The following SEC63 variants were observed in gnomAD, a reference collection of about 807,000 sequenced individuals.
SEC63 encodes the protein translocation protein SEC63 homolog.
SEC63 carries 56 observed loss-of-function variants against 116.2 expected under a neutral mutation model. That is an observed-to-expected ratio of 0.48 (90% CI 0.39 to 0.60). The LOEUF (loss-of-function observed/expected upper bound fraction) is 0.60. Among genes scored for constraint, SEC63 ranks in the 20% least tolerant of loss-of-function variants. The pLI is 0.00. For missense variants in SEC63, 668 were observed against 900.0 expected, an observed-to-expected ratio of 0.74 and a Z score of 3.30; for synonymous variants, 273 against 294.6, an observed-to-expected ratio of 0.93 and a Z score of 0.75.
At chr6:107,880,928 C>A in intron 18 of SEC63, 2 of 477,618 alleles carry the variant, frequency 4.2e-6, no homozygotes, top group South Asian at 2.4e-5. Flanking sequence ...CAAAGAAAAC[C>A]ACAGAAATAC....
chr6:107,916,436 T>C (rs1787400847), intron 4 of SEC63, among the ~76,000 whole-genome samples: 1 of 152,244 alleles, frequency 6.6e-6, no homozygotes, highest in Admixed American at 6.5e-5. Context: ...ACATAGTCAA[T>C]ATCCTCTACT....
chr6:107,934,638 G>A (rs1010539500), intron 1 of SEC63, among the ~76,000 whole-genome samples: 9 of 137,990 alleles, frequency 6.5e-5, no homozygotes, highest in South Asian at 2.5e-4. Flanking sequence ...TCAGCCCCCC[G>A]CCAGGCCAGC....
intron 13 of SEC63, among the ~76,000 whole-genome samples, chr6:107,901,085 A>G (rs1020738934): frequency 6.6e-6 from 1 of 152,212 alleles, no homozygotes; most frequent in Non-Finnish European, 1.5e-5. Flanking sequence ...AGTCTTCATC[A>G]TTCTTTGGAA....
At chr6:107,897,850 A>G in intron 13 of SEC63, 119 bp from the exon 14 acceptor site, 1 of 725,520 alleles carries the variant, frequency 1.4e-6, no homozygotes, top group Non-Finnish European at 2.5e-6. Context: ...AGCATATTAT[A>G]TTTTAAATTT....
chr6:107,887,433 T>C (rs537924250), intron 16 of SEC63, among the ~76,000 whole-genome samples: 9 of 146,118 alleles, frequency 6.2e-5, no homozygotes, highest in Middle Eastern at 3.4e-3. Context: ...AAATGATGAG[T>C]TCATGTCCTT....
At chr6:107,906,144 C>A (rs573228879) in intron 10 of SEC63, among the ~76,000 whole-genome samples, 1 of 152,260 alleles carries the variant, frequency 6.6e-6, no homozygotes, top group Admixed American at 6.5e-5. Context: ...TGTTTAAAAA[C>A]GTGTGGCATC....
At chr6:107,920,498 AC>A (rs1289930536) in intron 4 of SEC63, among the ~76,000 whole-genome samples, 1 of 151,858 alleles carries the variant, frequency 6.6e-6, no homozygotes, top group African/African-American at 2.4e-5. Flanking sequence ...AGTATAAACA[AC>A]TTTTATATGC....
Position 107,876,571 on chromosome 6 carries a change from G to A in SEC63, c.2027C>T (p.Thr676Ile), listed in dbSNP as rs61733388. 34,042 of 1,577,850 alleles carry A rather than the reference G, an allele frequency of 0.022. 454 individuals carry two copies. Among genetic ancestry groups the A allele is most frequent in the Non-Finnish European group, 0.026 (29,528 of 1,155,196 alleles). Reference protein sequence around the residue: ...MPYHVCTLKDTEEVELKFPAP... With the variant: ...MPYHVCTLKDIEEVELKFPAP... ...ATGTTGCTTGATAGTTACCTCCTCT[G>A]TATCTTTCAGCGTACACACATGATA... Residue 676 changes from threonine (T) to isoleucine (I), a missense_variant, in exon 19 of 21, where the codon ACA becomes ATA. By Grantham distance (89) the Thr-to-Ile change is moderately conservative. Around this residue, in one of 5 missense-constraint regions of SEC63, gnomAD observed 85 missense variants for 116.3 expected, o/e 0.73. Coordinates refer to ENST00000369002, the MANE Select transcript of SEC63 (RefSeq NM_007214.5).
intron 12 of SEC63, 115 bp from the exon 13 acceptor site, chr6:107,901,632 TG>T (rs1276306496): frequency 1.7e-5 from 12 of 699,860 alleles, no homozygotes; most frequent in Non-Finnish European, 2.9e-5. Context: ...AGAAAAGTGT[TG>T]ATTAATGTGC....
intron 13 of SEC63, among the ~76,000 whole-genome samples, 190 bp from the exon 14 acceptor site, chr6:107,897,921 T>C (rs978085847): frequency 1.3e-5 from 2 of 152,194 alleles, no homozygotes; most frequent in African/African-American, 2.4e-5. Context: ...CTTTTAACAA[T>C]TAATTCATTT....
intron 18 of SEC63, among the ~76,000 whole-genome samples, chr6:107,880,288 C>G (rs1214115415): frequency 6.6e-6 from 1 of 152,196 alleles, no homozygotes; most frequent in Non-Finnish European, 1.5e-5. Flanking sequence ...CATCCTCGAG[C>G]AGAAAGCAGA....
chr6:107,921,913 G>GGGT lies in SEC63; in HGVS notation c.340-5_340-4insACC. 7.6e-7 allele frequency: 1 copy of GGGT among 1,317,106 alleles called. No individual in the cohort carries two copies. The highest frequency in any genetic ancestry group is 1.0e-6 in the Non-Finnish European group (1 of 986,994). The allele number at this position is 1,317,106 out of a possible 1,614,324, so 81.6% of individuals were successfully genotyped here. On this transcript the variant is annotated splice_region_variant and splice_polypyrimidine_tract_variant and intron_variant, in intron 3 of 20. Coordinates refer to ENST00000369002, the MANE Select transcript of SEC63 (RefSeq NM_007214.5). Reference sequence around the variant, plus strand: ...TAATTTCTGCTACTGTGGCTCCCTGGGGAAAAACAAAAAAAAAAAACAAGC... The same window carrying GGGT: ...TAATTTCTGCTACTGTGGCTCCCTGGGGTGGAAAAACAAAAAAAAAAAACAAGC...
At chr6:107,953,457 G>T (rs939286965) in intron 1 of SEC63, among the ~76,000 whole-genome samples, 1 of 138,176 alleles carries the variant, frequency 7.2e-6, no homozygotes, top group African/African-American at 2.8e-5. Flanking sequence ...ACCTCTGCCC[G>T]GCCGCCCCTA....
At chr6:107,907,477 G>A (rs1381138307) in intron 8 of SEC63, among the ~76,000 whole-genome samples, 1 of 152,170 alleles carries the variant, frequency 6.6e-6, no homozygotes, top group East Asian at 1.9e-4. Flanking sequence ...AGCTACTCGG[G>A]AGGCTGAGGC....
intron 1 of SEC63, among the ~76,000 whole-genome samples, chr6:107,951,587 A>G (rs990100841): frequency 6.6e-6 from 1 of 152,196 alleles, no homozygotes; most frequent in African/African-American, 2.4e-5. Context: ...ACATAGCTAC[A>G]ATTTAGAATC....
intron 1 of SEC63, among the ~76,000 whole-genome samples, chr6:107,952,403 T>A (rs1366468037): frequency 6.6e-6 from 1 of 152,106 alleles, no homozygotes; most frequent in African/African-American, 2.4e-5. Flanking sequence ...ACTGTCAACC[T>A]TAAAAATTGA....
chr6:107,876,694 A>C (rs1004178804), intron 18 of SEC63, 32 bp from the exon 19 acceptor site: 3 of 1,222,362 alleles, frequency 2.5e-6, no homozygotes, highest in Non-Finnish European at 3.5e-6. Flanking sequence ...AAAAAAGAAG[A>C]GGGGTATAAA....
rs1786751504 is a variant in SEC63 at position 107,893,835 on chromosome 6, T to TA, written c.1500+2dup. 6.2e-7 allele frequency: 1 copy of TA among 1,614,046 alleles called. No homozygotes were observed. The highest frequency in any genetic ancestry group is 1.3e-5 in the African/African-American group (1 of 74,954). Reference sequence around the variant, plus strand: ...AAATAGGTTCGGAAACCCAAGTTTTTACCCCATCTTCTGCTGGCTGTTCCT... The same window carrying TA: ...AAATAGGTTCGGAAACCCAAGTTTTTAACCCCATCTTCTGCTGGCTGTTCCT... On this transcript the variant is annotated splice_region_variant and intron_variant, in intron 15 of 20. Transcript: ENST00000369002.
At chr6:107,878,869 A>G (rs565412477) in intron 18 of SEC63, among the ~76,000 whole-genome samples, 1 of 152,184 alleles carries the variant, frequency 6.6e-6, no homozygotes. Flanking sequence ...AAAAAAAAAG[A>G]ATATTTATTA....
Sources: gnomAD v4.1 joint callset for allele counts (sites outside exome capture counted in the v4.1 genomes callset) on GRCh38, gnomAD v4.1.1 for gene constraint, gnomAD v4.1.1 regional missense constraint, MANE v1.5 for transcripts, NCBI Gene and HGNC (gene_info 2026-07-23, HGNC 2026-07-21) for gene names.